PARP6: variants seen among roughly 807,000 people sequenced by gnomAD.
PARP6 encodes the protein protein mono-ADP-ribosyltransferase PARP6.
Under a neutral mutation model 92.0 loss-of-function variants are expected in PARP6, and 27 were observed. The ratio of observed to expected loss-of-function variants is 0.29; its 90% confidence interval spans 0.22 to 0.40. The LOEUF (loss-of-function observed/expected upper bound fraction) is 0.40, where lower values mean the gene tolerates loss of function less well. Ranked by LOEUF, PARP6 falls within the 10% of genes least tolerant of loss-of-function variation. The probability of loss-of-function intolerance (pLI) is 1.00; values close to 1 mark genes in which losing one functional copy is unlikely to be tolerated. For synonymous variants in PARP6, 272 were observed against 281.2 expected, an observed-to-expected ratio of 0.97 and a Z score of 0.33; for missense variants, 501 against 784.5, an observed-to-expected ratio of 0.64 and a Z score of 4.32.
In PARP6 at chr15:72,259,709, G is replaced by C. The variant is rs1400116236; in HGVS notation, c.757-48C>G. 2.6e-6 allele frequency: 4 copies of C among 1,541,940 alleles called. No individual in the cohort carries two copies. The African/African-American group carries it at 5.4e-5, about 21-fold the overall frequency. On this transcript the variant is annotated intron_variant, in intron 10 of 23. Coordinates refer to ENST00000569795, the MANE Select transcript of PARP6 (RefSeq NM_001323532.2). ...CCCCGTGAACCTCCTATGAAGCTGGGGCCTAGACAGACCTGACTCTTGCCT... is the reference window on the plus strand; with the variant it reads ...CCCCGTGAACCTCCTATGAAGCTGGCGCCTAGACAGACCTGACTCTTGCCT...
intron 14 of PARP6, among the ~76,000 whole-genome samples, chr15:72,255,631 T>TA (rs2084976465): frequency 6.6e-6 from 1 of 151,982 alleles, no homozygotes; most frequent in African/African-American, 2.4e-5. Context: ...TGCAGCCTGC[T>TA]AACTGTAGAT....
rs776347174 is a variant in PARP6 at position 72,241,486 on chromosome 15, C to T, written c.1862G>A (p.Arg621His). The change falls in exon 24 of 24, where the codon CGT becomes CAT. Residue 621 changes from arginine (R) to histidine (H), a missense_variant. Transcript: ENST00000569795. This position sits in a 1 kb window ranked among gnomAD's most constrained non-coding sequence, Gnocchi z 4.1. ...TGTGTAAACCTGAGTTCCGATCACACGCATGATTTCCTTCTGTATCTTGGG... is the reference window on the plus strand; with the variant it reads ...TGTGTAAACCTGAGTTCCGATCACATGCATGATTTCCTTCTGTATCTTGGG... ...QDPKIQKEIM[R>H]VIGTQVYTN 3.1e-6 allele frequency: 5 copies of T among 1,614,124 alleles called. No homozygotes were observed. Among genetic ancestry groups the T allele is most frequent in the Non-Finnish European group, 3.4e-6 (4 of 1,179,960 alleles).
chr15:72,253,602 A>G (rs2084660553), intron 15 of PARP6, 98 bp from the exon 16 acceptor site: 3 of 929,270 alleles, frequency 3.2e-6, no homozygotes, highest in African/African-American at 3.3e-5. Flanking sequence ...AGGGCAAGGT[A>G]GGCACCAAAG....
intron 19 of PARP6, among the ~76,000 whole-genome samples, chr15:72,249,817 C>T (rs908545448): frequency 6.6e-6 from 1 of 152,178 alleles, no homozygotes; most frequent in African/African-American, 2.4e-5. Context: ...CCCCAAACCA[C>T]CAAAAAAACG....
rs567276901 is a variant in PARP6 at position 72,245,467 on chromosome 15, T to A, written c.1562-2768A>T. ...CAACACATGGGAATTCAAGATGAGA[T>A]CTGGGTGGAGACACAGCCAAACCGT... is the stretch of plus-strand genomic sequence containing the variant. On this transcript the variant is annotated intron_variant, in intron 20 of 23. Transcript: ENST00000569795. The A allele has an allele frequency of 2.0e-5, 3 of 152,270 alleles. No individual in the cohort carries two copies. The South Asian group carries it at 6.2e-4, about 32-fold the overall frequency. The allele number at this position is 152,270 out of a possible 1,614,324, so 9.4% of individuals were successfully genotyped here. A position where few individuals can be genotyped will look rare whatever the true frequency, so the allele number is the denominator to read the frequency against.
intron 1 of PARP6, among the ~76,000 whole-genome samples, chr15:72,271,507 C>T (rs1031176007): frequency 1.3e-5 from 2 of 152,158 alleles, no homozygotes; most frequent in South Asian, 4.1e-4. Context: ...GGATCACAAA[C>T]ACTTTTTAAA....
Position 72,265,955 on chromosome 15 carries a change from G to T in PARP6, c.118C>A (p.Leu40Ile). The T allele has an allele frequency of 6.2e-7, 1 of 1,614,064 alleles. No homozygotes were observed. The highest frequency in any genetic ancestry group is 8.5e-7 in the Non-Finnish European group (1 of 1,179,942). The stretch of plus-strand genomic sequence containing the variant: ...TTCACGGCTTCAATGTCTGCATCAA[G>T]CTGTGGGTGTCGATACAGGTCAGCT... ...CAADLYRHPQLDADIEAVKEI... is the reference protein window; with the variant it reads ...CAADLYRHPQIDADIEAVKEI... Residue 40 changes from leucine (L) to isoleucine (I), a missense_variant, in exon 5 of 24, where the codon CTT (leucine) becomes ATT (isoleucine). By Grantham distance (5) the Leu-to-Ile change is conservative. Coordinates refer to ENST00000569795, the MANE Select transcript of PARP6 (RefSeq NM_001323532.2).
intron 8 of PARP6, among the ~76,000 whole-genome samples, chr15:72,262,948 A>G (rs1182776280): frequency 6.6e-6 from 1 of 152,178 alleles, no homozygotes; most frequent in Non-Finnish European, 1.5e-5. Flanking sequence ...CACTGACTGT[A>G]ACTTCTTCCC....
At chr15:72,254,283 C>T (rs1567193195) in intron 15 of PARP6, among the ~76,000 whole-genome samples, 172 bp downstream of exon 15, 2 of 151,934 alleles carry the variant, frequency 1.3e-5, no homozygotes, top group African/African-American at 4.8e-5. Flanking sequence ...AGAGGAGTAA[C>T]AGAGCTAACA....
At position 72,254,483 on chromosome 15, in the gene PARP6, C is replaced by T. The variant is rs763452155; in HGVS notation, c.1163G>A (p.Ser388Asn). 1.2e-6 allele frequency: 2 copies of T among 1,613,674 alleles called. No individual in the cohort carries two copies. The highest frequency in any genetic ancestry group is 1.7e-5 in the Admixed American group (1 of 60,012). The change falls in exon 15 of 24, where the codon AGT becomes AAT. Residue 388 changes from serine to asparagine, a missense_variant. This residue lies in a region of PARP6 where 191 missense variants were observed against 399.1 expected (regional missense o/e 0.48). Transcript: ENST00000569795. ...NYERLQKALD[S>N]VMSIREMTQG... ...GGTCATCTCCCGAATAGACATCACA[C>T]TATCCAGAGCTTTCTGAAGCCGCTC...
chr15:72,257,775 A>G (rs552528895), intron 12 of PARP6, among the ~76,000 whole-genome samples: 1 of 152,224 alleles, frequency 6.6e-6, no homozygotes, highest in Non-Finnish European at 1.5e-5. Flanking sequence ...TGAGGACAGC[A>G]TCATATCCAA....
Position 72,266,797 on chromosome 15 carries a change from T to G in PARP6, c.29A>C (p.Asp10Ala), listed in dbSNP as rs1404775267. 1 of 1,613,980 alleles carries G rather than the reference T, an allele frequency of 6.2e-7. No homozygotes were observed. Among genetic ancestry groups the G allele is most frequent in the Non-Finnish European group, 8.5e-7 (1 of 1,179,932 alleles). The stretch of plus-strand genomic sequence containing the variant: ...TTCATTATCTCCCTCCGAGTCGTCA[T>G]CATTCCAGAACTGGCCTTTGATGTC... MDIKGQFWN[D>A]DDSEGDNESE... The change falls in exon 4 of 24, where the codon GAT becomes GCT. Residue 10 changes from aspartate to alanine, a missense_variant. Physicochemically the swap from Asp to Ala is moderately radical, Grantham distance 126. Around this residue, in one of 4 missense-constraint regions of PARP6, gnomAD observed 291 missense variants for 352.0 expected, o/e 0.83. Transcript: ENST00000569795.
intron 3 of PARP6, 36 bp from the exon 4 acceptor site, chr15:72,266,858 G>A: frequency 6.6e-7 from 1 of 1,504,184 alleles, no homozygotes; most frequent in Non-Finnish European, 9.3e-7. Flanking sequence ...TGCTTTGTTA[G>A]GTCCCTATTA....
intron 2 of PARP6, among the ~76,000 whole-genome samples, chr15:72,270,221 A>G (rs2087210109): frequency 6.6e-6 from 1 of 152,136 alleles, no homozygotes; most frequent in South Asian, 2.1e-4. Context: ...TAGAGATGGA[A>G]TGACCCGATT....
chr15:72,265,325 C>T, intron 6 of PARP6, 88 bp downstream of exon 6: 2 of 1,193,656 alleles, frequency 1.7e-6, no homozygotes, highest in East Asian at 2.3e-5. Context: ...GCTCCAAATA[C>T]AGCACTCGGG....
At chr15:72,248,031 A>G (rs1291001907) in intron 20 of PARP6, among the ~76,000 whole-genome samples, 1 of 152,002 alleles carries the variant, frequency 6.6e-6, no homozygotes, top group Non-Finnish European at 1.5e-5. Flanking sequence ...TCAGCCTCCC[A>G]AAGTACTGGG....
chr15:72,252,737 G>A (rs1597004006), intron 16 of PARP6, among the ~76,000 whole-genome samples: 1 of 152,016 alleles, frequency 6.6e-6, no homozygotes, highest in Non-Finnish European at 1.5e-5. Context: ...CGCCCGCCTC[G>A]GCCTCCCAAA....
At chr15:72,243,017 T>G in intron 20 of PARP6, 1 of 301,166 alleles carries the variant, frequency 3.3e-6, no homozygotes, top group Non-Finnish European at 6.1e-6. Context: ...GTTAATTAAA[T>G]AAACAGCGGG....
At chr15:72,264,144 T>C (rs2086255693) in intron 8 of PARP6, among the ~76,000 whole-genome samples, 1 of 152,228 alleles carries the variant, frequency 6.6e-6, no homozygotes, top group South Asian at 2.1e-4. Flanking sequence ...TGGACTCTAT[T>C]TGAAACTTCA....
Sources: allele counts gnomAD v4.1 joint callset (sites outside exome capture counted in the v4.1 genomes callset), GRCh38; gene constraint gnomAD v4.1.1; regional missense constraint gnomAD v4.1.1; non-coding constraint Gnocchi (gnomAD v3.1); transcripts MANE v1.5; gene names NCBI Gene and HGNC (gene_info 2026-07-23, HGNC 2026-07-21).